KATNAL2: variants seen among roughly 807,000 people sequenced by gnomAD.
KATNAL2 encodes the protein katanin p60 ATPase-containing subunit A-like 2.
In KATNAL2, 52 loss-of-function variants were observed where a neutral mutation model predicts 76.3. The ratio of observed to expected loss-of-function variants is 0.68; its 90% confidence interval spans 0.55 to 0.86. The LOEUF is 0.86. KATNAL2 is among the 40% of genes least tolerant of loss of function. KATNAL2 has a pLI of 0.00. For synonymous variants in KATNAL2, 243 were observed against 244.2 expected (o/e 1.00, Z 0.05); for missense variants, 660 against 668.9 (o/e 0.99, Z 0.15).
chr18:46,956,354 A>G (rs1205570727), intron 3 of KATNAL2, among the ~76,000 whole-genome samples: 2 of 152,146 alleles, frequency 1.3e-5, no homozygotes, highest in East Asian at 1.9e-4. Flanking sequence ...ACTACTGATT[A>G]TTTTTAGAAA....
At chr18:47,050,267 T>C (rs2061301490) in intron 4 of KATNAL2, among the ~76,000 whole-genome samples, 1 of 152,136 alleles carries the variant, frequency 6.6e-6, no homozygotes, top group Non-Finnish European at 1.5e-5. Context: ...ATAAGTTGAC[T>C]CTTATAAAAC....
intron 15 of KATNAL2, among the ~76,000 whole-genome samples, chr18:47,093,661 G>A (rs2063105363): frequency 6.6e-6 from 1 of 152,016 alleles, no homozygotes; most frequent in African/African-American, 2.4e-5. Flanking sequence ...AACTAGCTGG[G>A]ACTACAGGCA....
intron 10 of KATNAL2, among the ~76,000 whole-genome samples, chr18:47,064,214 A>G (rs1173134672): frequency 6.6e-6 from 1 of 150,484 alleles, no homozygotes; most frequent in Non-Finnish European, 1.5e-5. Context: ...TTCTCATCCC[A>G]GGGACAAAGT....
At chr18:47,040,542 AGT>A (rs1433130349) in intron 3 of KATNAL2, among the ~76,000 whole-genome samples, 1 of 152,244 alleles carries the variant, frequency 6.6e-6, no homozygotes, top group East Asian at 1.9e-4. Context: ...TTAAAAATCA[AGT>A]ATAAAAACAT....
At chr18:46,936,754 C>A (rs1397619519) in intron 1 of KATNAL2, among the ~76,000 whole-genome samples, 1 of 152,102 alleles carries the variant, frequency 6.6e-6, no homozygotes, top group Non-Finnish European at 1.5e-5. Flanking sequence ...GAGTTCGAGA[C>A]CAGCCTGGCC....
chr18:47,069,609 T>C lies in KATNAL2; in HGVS notation c.1008+9T>C, dbSNP rs548095031. ...CAGAAAAACTCGTTCGGGTAGGAAT[T>C]CTTAATTTTGTTTTTAAAAATAAGT... On this transcript the variant is annotated intron_variant, in intron 13 of 17. Coordinates refer to ENST00000683218, the MANE Select transcript of KATNAL2 (RefSeq NM_001387690.1). 2.5e-4 allele frequency: 398 copies of C among 1,577,984 alleles called. 10 individuals are homozygous for C. The South Asian group carries it at 3.1e-3, about 12-fold the overall frequency.
intron 3 of KATNAL2, chr18:47,032,664 A>G (rs1254725650): frequency 7.2e-6 from 2 of 279,602 alleles, no homozygotes; most frequent in Admixed American, 1.0e-4. Flanking sequence ...CTTGATTTCG[A>G]AAAAAAAAAG....
intron 1 of KATNAL2, among the ~76,000 whole-genome samples, chr18:46,921,600 G>A (rs771947632): frequency 6.6e-6 from 1 of 151,704 alleles, no homozygotes; most frequent in Non-Finnish European, 1.5e-5. Context: ...GTGTATGAGT[G>A]TACTCTGTAA....
At position 47,042,588 on chromosome 18, in the gene KATNAL2, G is replaced by A. The variant is rs375770217; in HGVS notation, c.52-3869G>A. On this transcript the variant is annotated intron_variant, in intron 3 of 17. Transcript: ENST00000683218. ...TGCTATGAAAAAAGAAAGAATCAGA[G>A]AATAAGAAGAAGCTCCTGGAAATTA... Among the ~76,000 whole-genome samples the A allele has an allele frequency of 2.4e-4, 37 of 151,932 alleles. No homozygotes were observed. The East Asian group carries it at 3.5e-3, about 14-fold the overall frequency.
intron 8 of KATNAL2, among the ~76,000 whole-genome samples, chr18:47,061,964 T>A (rs72903228): frequency 6.6e-6 from 1 of 152,248 alleles, no homozygotes; most frequent in Non-Finnish European, 1.5e-5. Context: ...TAAGTGGGTT[T>A]AAATCCTGGC....
chr18:47,034,916 T>C (rs1163317533), intron 3 of KATNAL2: 2 of 1,611,918 alleles, frequency 1.2e-6, no homozygotes, highest in Non-Finnish European at 1.7e-6. Context: ...CTGGGGGCCG[T>C]CGCGTTTTCT....
chr18:47,056,331 C>T (rs1000477580), intron 6 of KATNAL2, among the ~76,000 whole-genome samples: 1 of 152,210 alleles, frequency 6.6e-6, no homozygotes, highest in African/African-American at 2.4e-5. Flanking sequence ...GGTCCCAGCC[C>T]CATCAATAGA....
At position 47,033,745 on chromosome 18, in the gene KATNAL2, C is replaced by G. The variant is rs747473000; in HGVS notation, c.52-12712C>G. On this transcript the variant is annotated intron_variant, in intron 3 of 17. Coordinates refer to ENST00000683218, the MANE Select transcript of KATNAL2 (RefSeq NM_001387690.1). ...GTACACCGGCATCTTAGCATTCACTCTGCGTCCAGGGAAAGCAGCTTCCTC... is the reference window on the plus strand; with the variant it reads ...GTACACCGGCATCTTAGCATTCACTGTGCGTCCAGGGAAAGCAGCTTCCTC... 50 of 1,614,080 alleles carry G rather than the reference C, an allele frequency of 3.1e-5. 1 individual carries two copies. In the East Asian group the frequency reaches 1.1e-3, roughly 36 times the overall value.
intron 3 of KATNAL2, chr18:47,033,979 T>C (rs1373785925): frequency 1.2e-6 from 2 of 1,613,510 alleles, no homozygotes; most frequent in Non-Finnish European, 1.7e-6. Flanking sequence ...AGGAGGCAAT[T>C]TCTTAGCCGA....
At chr18:47,033,792 T>C (rs778060680) in intron 3 of KATNAL2, 7 of 1,614,162 alleles carry the variant, frequency 4.3e-6, no homozygotes, top group South Asian at 2.2e-5. Flanking sequence ...GTGAAGAGAG[T>C]GCTTCTGGCT....
At chr18:46,931,996 C>T (rs374325581) in intron 1 of KATNAL2, among the ~76,000 whole-genome samples, 10 of 151,622 alleles carry the variant, frequency 6.6e-5, no homozygotes, top group African/African-American at 2.2e-4. Flanking sequence ...CTGTAACCTC[C>T]GACTCCTGGG....
At chr18:47,054,309 T>G in intron 5 of KATNAL2, 87 bp from the exon 6 acceptor site, 2 of 1,188,700 alleles carry the variant, frequency 1.7e-6, no homozygotes, top group Non-Finnish European at 2.5e-6. Flanking sequence ...TTAAGAACAA[T>G]GCAAAAAGGG....
intron 3 of KATNAL2, chr18:47,034,912 G>A (rs1258539668): frequency 6.2e-7 from 1 of 1,611,888 alleles, no homozygotes; most frequent in South Asian, 1.1e-5. Context: ...GCTCCTGGGG[G>A]CCGTCGCGTT....
intron 15 of KATNAL2, among the ~76,000 whole-genome samples, chr18:47,089,793 C>T (rs2062921779): frequency 6.6e-6 from 1 of 152,108 alleles, no homozygotes; most frequent in African/African-American, 2.4e-5. Flanking sequence ...CTAAAATTTT[C>T]AACAAAGCAG....
Sources: gnomAD v4.1 joint callset for allele counts (sites outside exome capture counted in the v4.1 genomes callset) on GRCh38, gnomAD v4.1.1 for gene constraint, MANE v1.5 for transcripts, NCBI Gene and HGNC (gene_info 2026-07-23, HGNC 2026-07-21) for gene names.